MEIS1: variants seen among roughly 807,000 people sequenced by gnomAD.
MEIS1 encodes homeobox protein Meis1.
In MEIS1, 5 loss-of-function variants were observed where a neutral mutation model predicts 50.8. The ratio of observed to expected loss-of-function variants is 0.10; its 90% CI spans 0.05 to 0.21. The LOEUF (loss-of-function observed/expected upper bound fraction) is 0.21. Among genes scored for constraint, MEIS1 ranks in the 10% least tolerant of loss-of-function variants. The pLI is 1.00. For missense variants in MEIS1, 318 were observed against 517.3 expected (o/e 0.61, Z 3.74); for synonymous variants, 176 against 179.3 (o/e 0.98, Z 0.15).
chr2:66,531,950 C>T (rs984576547), intron 8 of MEIS1, among the ~76,000 whole-genome samples: 11 of 151,916 alleles, frequency 7.2e-5, no homozygotes, highest in Admixed American at 2.0e-4. Flanking sequence ...AAAAAATCAT[C>T]GCAGACCTTT....
intron 12 of MEIS1, chr2:66,570,138 G>C (rs1324041259): frequency 6.6e-6 from 1 of 152,158 alleles, no homozygotes; most frequent in Non-Finnish European, 1.5e-5. Flanking sequence ...GAGGCCAGGG[G>C]TAATTCGTAC....
intron 8 of MEIS1, among the ~76,000 whole-genome samples, chr2:66,524,015 C>G (rs1299110333): frequency 6.6e-6 from 1 of 152,098 alleles, no homozygotes; most frequent in East Asian, 1.9e-4. Flanking sequence ...GAAGCAAGGC[C>G]AAATGTACTT....
intron 9 of MEIS1, among the ~76,000 whole-genome samples, chr2:66,558,228 G>A (rs1273082919): frequency 1.5e-5 from 2 of 129,198 alleles, no homozygotes; most frequent in African/African-American, 3.0e-5. Flanking sequence ...GCTGTGAGCC[G>A]AGATTGCGCC....
At chr2:66,465,695 T>C (rs1307579085) in intron 7 of MEIS1, among the ~76,000 whole-genome samples, 1 of 152,226 alleles carries the variant, frequency 6.6e-6, no homozygotes, top group Non-Finnish European at 1.5e-5. Flanking sequence ...TTATATCATC[T>C]GAGAATAGGT....
chr2:66,462,370 A>G (rs1672539608), intron 6 of MEIS1, among the ~76,000 whole-genome samples: 1 of 152,072 alleles, frequency 6.6e-6, no homozygotes, highest in South Asian at 2.1e-4. Flanking sequence ...GCATCCTGAA[A>G]CTCCCACGGG....
intron 6 of MEIS1, among the ~76,000 whole-genome samples, chr2:66,461,557 T>C (rs1251538119): frequency 1.3e-5 from 2 of 152,224 alleles, no homozygotes; most frequent in Admixed American, 1.3e-4. Flanking sequence ...GCATTCAGTA[T>C]TCATAGGCCT....
intron 7 of MEIS1, among the ~76,000 whole-genome samples, chr2:66,493,212 T>C (rs1558538118): frequency 6.6e-6 from 1 of 152,228 alleles, no homozygotes; most frequent in East Asian, 1.9e-4. Context: ...ATTTACTTTT[T>C]CCATAGTCTT....
At position 66,569,329 on chromosome 2, in the gene MEIS1, T is replaced by G. The variant is rs983476699; in HGVS notation, c.*37+184T>G. On this transcript the variant is annotated intron_variant, in intron 12 of 12. Coordinates refer to ENST00000272369, the MANE Select transcript of MEIS1 (RefSeq NM_002398.3). Reference sequence around the variant, plus strand: ...AGCTTTTAAGCTTATAAATACTGTGTATGATGTACATTTATCCTGTGTGTT... The same window carrying G: ...AGCTTTTAAGCTTATAAATACTGTGGATGATGTACATTTATCCTGTGTGTT... The G allele has an allele frequency of 7.9e-5, 41 of 520,316 alleles. No homozygotes were observed. In the Middle Eastern group the frequency reaches 1.6e-3, roughly 20 times the overall value. 32.2% of individuals were successfully genotyped at this position (520,316 alleles called of 1,614,324 possible).
chr2:66,443,099 C>T (rs1672039140), intron 6 of MEIS1, 51 bp downstream of exon 6: 1 of 1,537,774 alleles, frequency 6.5e-7, no homozygotes, highest in East Asian at 2.4e-5. Flanking sequence ...AATCTGTATG[C>T]ATATTGCTTG....
chr2:66,478,480 C>T (rs947708630), intron 7 of MEIS1, among the ~76,000 whole-genome samples: 5 of 152,082 alleles, frequency 3.3e-5, no homozygotes, highest in Non-Finnish European at 5.9e-5. Flanking sequence ...ATTTTTAATC[C>T]GTAAGTTGCA....
At chr2:66,484,888 A>G (rs76560667) in intron 7 of MEIS1, among the ~76,000 whole-genome samples, 1 of 152,114 alleles carries the variant, frequency 6.6e-6, no homozygotes, top group Non-Finnish European at 1.5e-5. Flanking sequence ...ACTTGTGGTG[A>G]TGACTCTGTT....
chr2:66,495,820 C>T (rs527690792), intron 7 of MEIS1, among the ~76,000 whole-genome samples: 52 of 152,256 alleles, frequency 3.4e-4, no homozygotes, highest in African/African-American at 1.1e-3. Flanking sequence ...AGAAATTGGC[C>T]GCTGTGCAGG....
At chr2:66,497,446 A>T (rs1361109138) in intron 7 of MEIS1, among the ~76,000 whole-genome samples, 1 of 152,250 alleles carries the variant, frequency 6.6e-6, no homozygotes, top group Non-Finnish European at 1.5e-5. Context: ...GTTAGTTTTT[A>T]GTACTGTTTC....
intron 8 of MEIS1, among the ~76,000 whole-genome samples, chr2:66,547,203 T>G (rs1016574422): frequency 1.1e-4 from 17 of 152,344 alleles, no homozygotes; most frequent in Non-Finnish European, 2.5e-4. Context: ...TTCCAAACGT[T>G]CTTACAGGAA....
intron 6 of MEIS1, among the ~76,000 whole-genome samples, chr2:66,457,161 AT>A (rs5831810): frequency 0.52 from 73,130 of 140,042 alleles, 19,759 homozygotes; most frequent in African/African-American, 0.72. Flanking sequence ...ATTTCTAGGG[AT>A]TTTTTTTTTT....
intron 8 of MEIS1, among the ~76,000 whole-genome samples, chr2:66,521,223 C>T (rs184536137): frequency 1.4e-3 from 207 of 152,348 alleles, no homozygotes; most frequent in Non-Finnish European, 2.5e-3. Context: ...AACTGCTCCT[C>T]CTTCCTTACA....
At chr2:66,510,754 A>T (rs1157141572) in intron 7 of MEIS1, among the ~76,000 whole-genome samples, 4 of 152,222 alleles carry the variant, frequency 2.6e-5, no homozygotes, top group African/African-American at 7.2e-5. Context: ...GGGTCTGCTG[A>T]GGGAGCTGTT....
chr2:66,462,347 C>T (rs921045256), intron 6 of MEIS1, among the ~76,000 whole-genome samples: 1 of 152,190 alleles, frequency 6.6e-6, no homozygotes, highest in African/African-American at 2.4e-5. Flanking sequence ...AGATGTCACT[C>T]GCAGGATCTC....
intron 6 of MEIS1, among the ~76,000 whole-genome samples, chr2:66,460,954 G>A (rs537480191): frequency 2.4e-4 from 36 of 152,280 alleles, no homozygotes; most frequent in African/African-American, 7.9e-4. Flanking sequence ...TTCCATAGGT[G>A]ATTCTGGACC....
Sources: allele counts gnomAD v4.1 joint callset (sites outside exome capture counted in the v4.1 genomes callset), GRCh38; gene constraint gnomAD v4.1.1; transcripts MANE v1.5; gene names NCBI Gene and HGNC (gene_info 2026-07-23, HGNC 2026-07-21).